Variants in CACNA1H observed in about 807,000 individuals in gnomAD.
The protein encoded by CACNA1H is voltage-dependent T-type calcium channel subunit alpha-1H.
In CACNA1H, 149 loss-of-function variants were observed where a neutral mutation model predicts 192.5. The observed-to-expected ratio is 0.77, with a 90% CI of 0.68 to 0.89. CACNA1H has a LOEUF of 0.89. Ranked by LOEUF, CACNA1H falls within the 40% of genes least tolerant of loss-of-function variation. The probability of loss-of-function intolerance (pLI) is 0.00; values close to 1 mark genes in which losing one functional copy is unlikely to be tolerated. For missense variants in CACNA1H, 4,257 were observed against 3,423.5 expected, an observed-to-expected ratio of 1.24 and a Z score of -6.08; for synonymous variants, 2,202 against 1,475.2, an observed-to-expected ratio of 1.49 and a Z score of -11.29.
Position 1,167,166 on chromosome 16 carries a change from C to G in CACNA1H, c.299+13130C>G, listed in dbSNP as rs150619635. On this transcript the variant is annotated intron_variant, in intron 2 of 34. Transcript: ENST00000348261. The surrounding 1 kb of genome is among the most constrained non-coding windows in gnomAD (Gnocchi z 4.2). Reference sequence around the variant, plus strand: ...TCCTCGCCGACCCTTTGGGGCGTCTCCCATCGGGAAATGGCAGCCCCTGAC... The same window carrying G: ...TCCTCGCCGACCCTTTGGGGCGTCTGCCATCGGGAAATGGCAGCCCCTGAC... 0.019 allele frequency among the ~76,000 whole-genome samples: 2,883 copies of G among 152,290 alleles called. 69 individuals carry two copies. The highest frequency in any genetic ancestry group is 0.05 in the African/African-American group (2,077 of 41,576).
rs756761012 is a variant in CACNA1H, at chr16:1,213,948, C to T, written c.4929+17C>T. 1.6e-5 allele frequency: 25 copies of T among 1,602,486 alleles called. No homozygotes were observed. Among genetic ancestry groups the T allele is most frequent in the Middle Eastern group, 1.7e-4 (1 of 6,054 alleles). Reference sequence around the variant, plus strand: ...CAACCCAAGGTGGGTGCGAGGGGGCCGCGAGGGGCCCAGGGGCTGGGGCAC... The same window carrying T: ...CAACCCAAGGTGGGTGCGAGGGGGCTGCGAGGGGCCCAGGGGCTGGGGCAC... On this transcript the variant is annotated intron_variant, in intron 27 of 34. Transcript: ENST00000348261.
Position 1,220,500 on chromosome 16 carries a change from C to T in CACNA1H, c.6568C>T (p.Pro2190Ser), listed in dbSNP as rs755095100. Residue 2190 changes from proline (P) to serine (S), a missense_variant, in exon 35 of 35, where the codon CCC (proline) becomes TCC (serine). Transcript: ENST00000348261. ...GARRKKKMSPPCISVEPPAED... is the reference protein window; with the variant it reads ...GARRKKKMSPSCISVEPPAED... The stretch of plus-strand genomic sequence containing the variant: ...GCGCAGAAAGAAGAAGATGAGCCCC[C>T]CCTGCATCTCGGTGGAACCCCCTGC... 1 of 1,542,398 alleles carries T rather than the reference C, an allele frequency of 6.5e-7. No homozygotes were observed. Among genetic ancestry groups the T allele is most frequent in the South Asian group, 1.3e-5 (1 of 77,982 alleles).
intron 2 of CACNA1H, among the ~76,000 whole-genome samples, chr16:1,169,025 C>G (rs1178406646): frequency 6.6e-6 from 1 of 152,044 alleles, no homozygotes; most frequent in Non-Finnish European, 1.5e-5. Context: ...GTTACGAGTG[C>G]GTGGGCTCGG....
intron 2 of CACNA1H, among the ~76,000 whole-genome samples, chr16:1,189,670 G>A (rs1444782301): frequency 6.6e-6 from 1 of 152,052 alleles, no homozygotes; most frequent in Non-Finnish European, 1.5e-5. Context: ...TGATCCTCCT[G>A]CCTCAGCCTC....
rs572691790 is a variant in CACNA1H at position 1,192,343 on chromosome 16, C to G, written c.300-2629C>G. ...TTGCTAGGCACTGGGTGCCACCCAC[C>G]CCTGCCAGCCCCTCTGCCGTGGGCA... On this transcript the variant is annotated intron_variant, in intron 2 of 34. Coordinates refer to ENST00000348261, the MANE Select transcript of CACNA1H (RefSeq NM_021098.3). Among the ~76,000 whole-genome samples, 686 of 141,368 alleles carry G rather than the reference C, an allele frequency of 4.9e-3. 1 individual carries two copies. Among genetic ancestry groups the G allele is most frequent in the Non-Finnish European group, 7.5e-3 (455 of 60,496 alleles). The allele number at this position is 141,368 out of a possible 152,430, so 92.7% of individuals were successfully genotyped here.
intron 16 of CACNA1H, 90 bp from the exon 17 acceptor site, chr16:1,208,942 G>C: frequency 2.3e-6 from 3 of 1,283,464 alleles, no homozygotes; most frequent in South Asian, 3.8e-5. Flanking sequence ...AATGATCCAC[G>C]TGTGGCTTGC....
rs1315934514 is a variant in CACNA1H, at chr16:1,207,129, G to A, written c.2907+11G>A. ...GTCACCGTGTTCCAGGTAGTGCCCGGGGTCCCCGCAGCAGTGTTGGGTGCT... is the reference window on the plus strand; with the variant it reads ...GTCACCGTGTTCCAGGTAGTGCCCGAGGTCCCCGCAGCAGTGTTGGGTGCT... On this transcript the variant is annotated intron_variant, in intron 13 of 34. Coordinates refer to ENST00000348261, the MANE Select transcript of CACNA1H (RefSeq NM_021098.3). The A allele has an allele frequency of 4.4e-6, 7 of 1,574,368 alleles. No homozygotes were observed. The highest frequency in any genetic ancestry group is 6.0e-6 in the Non-Finnish European group (7 of 1,159,230).
intron 2 of CACNA1H, among the ~76,000 whole-genome samples, chr16:1,191,398 T>G (rs1364878274): frequency 4.0e-5 from 2 of 49,808 alleles, no homozygotes; most frequent in Admixed American, 1.7e-4. Context: ...CACTCGGGGT[T>G]TCGGTGACCC....
chr16:1,184,217 C>G (rs374590799), intron 2 of CACNA1H, among the ~76,000 whole-genome samples: 1 of 152,254 alleles, frequency 6.6e-6, no homozygotes, highest in Non-Finnish European at 1.5e-5. Flanking sequence ...GGCCCCTCCC[C>G]GAGCCCTGAG....
Position 1,221,370 on chromosome 16 carries a change from G to T in CACNA1H, c.*376G>T. Reference sequence around the variant, plus strand: ...CGCGTTGTTACAGGACACTCGCTGGGGGCCCTGTGCCCTTGCCGGCGGCAG... The same window carrying T: ...CGCGTTGTTACAGGACACTCGCTGGTGGCCCTGTGCCCTTGCCGGCGGCAG... On this transcript the variant is annotated 3_prime_UTR_variant, in exon 35 of 35. Coordinates refer to ENST00000348261, the MANE Select transcript of CACNA1H (RefSeq NM_021098.3). The T allele has an allele frequency of 3.1e-6, 1 of 323,030 alleles. No homozygotes were observed. Among genetic ancestry groups the T allele is most frequent in the South Asian group, 6.1e-5 (1 of 16,516 alleles). The allele number at this position is 323,030 out of a possible 1,614,324, so 20.0% of individuals were successfully genotyped here. A position where few individuals can be genotyped will look rare whatever the true frequency, so the allele number is the denominator to read the frequency against.
At chr16:1,185,462 G>A (rs57835251) in intron 2 of CACNA1H, among the ~76,000 whole-genome samples, 7,572 of 150,440 alleles carry the variant, frequency 0.05, 564 homozygotes, top group African/African-American at 0.16. Context: ...TCCTGCCAGC[G>A]GCAGCCAGAC....
At position 1,201,925 on chromosome 16, in the gene CACNA1H, C is replaced by G. The variant is rs1288320712; in HGVS notation, c.1475C>G (p.Pro492Arg). ...WQSRWRKKVD[P>R]SAVQGQGPGH... ...AGCCGCTGGCGCAAGAAGGTGGACC[C>G]CAGTGCTGTGCAAGGCCAGGGTCCC... Residue 492 changes from proline (P) to arginine (R), a missense_variant, in exon 9 of 35, where the codon CCC becomes CGC. Transcript: ENST00000348261. The G allele has an allele frequency of 1.3e-6, 2 of 1,549,990 alleles. No individual in the cohort carries two copies. The highest frequency in any genetic ancestry group is 2.7e-5 in the African/African-American group (2 of 73,184).
chr16:1,220,792 G>T lies in CACNA1H; in HGVS notation c.6860G>T (p.Ser2287Ile), dbSNP rs751085066. 1 of 1,612,808 alleles carries T rather than the reference G, an allele frequency of 6.2e-7. No homozygotes were observed. The highest frequency in any genetic ancestry group is 1.1e-5 in the South Asian group (1 of 91,086). Residue 2287 changes from serine (S) to isoleucine (I), a missense_variant, in exon 35 of 35, where the codon AGT becomes ATT. By Grantham distance (142) the Ser-to-Ile change is moderately radical. Coordinates refer to ENST00000348261, the MANE Select transcript of CACNA1H (RefSeq NM_021098.3). ...SGDPFLDGSH[S>I]VTPESRASSS... ...GACCCTTTCTTGGACGGTAGCCACAGTGTGACCCCAGAATCCAGAGCTTCC... is the reference window on the plus strand; with the variant it reads ...GACCCTTTCTTGGACGGTAGCCACATTGTGACCCCAGAATCCAGAGCTTCC...
intron 2 of CACNA1H, among the ~76,000 whole-genome samples, chr16:1,188,984 C>A (rs1596363618): frequency 6.6e-6 from 1 of 151,788 alleles, no homozygotes; most frequent in African/African-American, 2.4e-5. Flanking sequence ...CCTTGGAGGG[C>A]CCCCCCAGGT....
At chr16:1,203,535 T>C (rs1968260198) in intron 9 of CACNA1H, among the ~76,000 whole-genome samples, 1 of 152,154 alleles carries the variant, frequency 6.6e-6, no homozygotes, top group Non-Finnish European at 1.5e-5. Flanking sequence ...ATGGTTTTTC[T>C]GATGTTTGTG....
intron 5 of CACNA1H, among the ~76,000 whole-genome samples, chr16:1,196,602 C>T (rs532580583): frequency 1.3e-5 from 2 of 152,322 alleles, no homozygotes; most frequent in Admixed American, 1.3e-4. Context: ...GCCTCCGTGT[C>T]CCCTGCTGAG....
chr16:1,155,501 AG>A (rs1962223123), intron 2 of CACNA1H, among the ~76,000 whole-genome samples: 2 of 152,158 alleles, frequency 1.3e-5, no homozygotes, highest in Non-Finnish European at 2.9e-5. Context: ...AGGGTCTGGA[AG>A]GGACTGCATG....
chr16:1,178,285 T>G (rs1387577110), intron 2 of CACNA1H, among the ~76,000 whole-genome samples: 1 of 19,062 alleles, frequency 5.2e-5, no homozygotes, highest in African/African-American at 2.2e-4. Flanking sequence ...TCCCGCCCCC[T>G]CTTTCTGGAC....
Position 1,213,776 on chromosome 16 carries a change from G to A in CACNA1H, c.4778-4G>A, listed in dbSNP as rs779949902. The A allele has an allele frequency of 4.8e-5, 74 of 1,546,822 alleles. No individual in the cohort carries two copies. Among genetic ancestry groups the A allele is most frequent in the Admixed American group, 1.6e-4 (8 of 51,242 alleles). On this transcript the variant is annotated splice_region_variant and splice_polypyrimidine_tract_variant and intron_variant, in intron 26 of 34. Transcript: ENST00000348261. ...CCCGGCGCTCATGGCCGCCCTCCCC[G>A]CAGAGGCCCAGCGCCGGCCCTACTA...
Sources: allele counts gnomAD v4.1 joint callset (sites outside exome capture counted in the v4.1 genomes callset), GRCh38; gene constraint gnomAD v4.1.1; non-coding constraint Gnocchi (gnomAD v3.1); transcripts MANE v1.5; gene names NCBI Gene and HGNC (gene_info 2026-07-23, HGNC 2026-07-21).